Variants in CACNB4 observed in about 807,000 individuals in gnomAD.
The protein encoded by CACNB4 is voltage-dependent L-type calcium channel subunit beta-4.
Under a neutral mutation model 71.2 loss-of-function variants are expected in CACNB4, and 32 were observed. That is an observed-to-expected ratio of 0.45 (90% confidence interval 0.34 to 0.60). CACNB4 has a LOEUF of 0.60. Among genes scored for constraint, CACNB4 ranks in the 20% least tolerant of loss-of-function variants. CACNB4 has a pLI of 0.01. For missense variants in CACNB4, 464 were observed against 647.9 expected, an observed-to-expected ratio of 0.72 and a Z score of 3.08; for synonymous variants, 231 against 236.9, an observed-to-expected ratio of 0.97 and a Z score of 0.23.
chr2:151,933,554 G>A (rs1043037041), intron 2 of CACNB4, among the ~76,000 whole-genome samples: 3 of 152,002 alleles, frequency 2.0e-5, no homozygotes, highest in African/African-American at 4.8e-5. Flanking sequence ...ATGCATTCAA[G>A]ATCACACAAC....
At chr2:152,040,743 CTAAT>C (rs1214261223) in intron 2 of CACNB4, among the ~76,000 whole-genome samples, 2 of 152,070 alleles carry the variant, frequency 1.3e-5, no homozygotes, top group African/African-American at 4.8e-5. Context: ...TTCCAGCCAG[CTAAT>C]TAAATTTAAA....
intron 2 of CACNB4, among the ~76,000 whole-genome samples, chr2:151,901,844 T>G (rs1271429393): frequency 6.6e-6 from 1 of 152,228 alleles, no homozygotes; most frequent in Non-Finnish European, 1.5e-5. Context: ...TCCAGAGAAC[T>G]TGGTTTTACT....
chr2:151,950,257 AG>A (rs1004735794), intron 2 of CACNB4, among the ~76,000 whole-genome samples: 33 of 152,214 alleles, frequency 2.2e-4, no homozygotes, highest in Admixed American at 2.0e-3. Context: ...TTCTCAATAA[AG>A]GCATCCTAAT....
intron 2 of CACNB4, among the ~76,000 whole-genome samples, chr2:151,943,250 TAGAA>T (rs2099864718): frequency 6.6e-6 from 1 of 152,116 alleles, no homozygotes; most frequent in Non-Finnish European, 1.5e-5. Context: ...TTATGGAAAA[TAGAA>T]AGAACCTACG....
chr2:152,055,750 A>C (rs1484582798), intron 2 of CACNB4, among the ~76,000 whole-genome samples: 1 of 152,238 alleles, frequency 6.6e-6, no homozygotes, highest in Non-Finnish European at 1.5e-5. Flanking sequence ...GAAGATAATT[A>C]AGAAGCTATT....
chr2:151,881,877 A>AACT (rs1454290163), intron 3 of CACNB4, among the ~76,000 whole-genome samples: 1 of 134,530 alleles, frequency 7.4e-6, no homozygotes, highest in Non-Finnish European at 1.6e-5. Flanking sequence ...TTCTCCTCCC[A>AACT]TCTTTTTTTT....
At chr2:152,032,264 G>A (rs971048829) in intron 2 of CACNB4, among the ~76,000 whole-genome samples, 7 of 152,164 alleles carry the variant, frequency 4.6e-5, no homozygotes, top group Non-Finnish European at 8.8e-5. Flanking sequence ...AAATTGGCCT[G>A]AGAAGGGAAG....
At chr2:152,033,167 C>A (rs958356040) in intron 2 of CACNB4, among the ~76,000 whole-genome samples, 1 of 152,040 alleles carries the variant, frequency 6.6e-6, no homozygotes, top group South Asian at 2.1e-4. Flanking sequence ...AAGACCCAGG[C>A]GGCTGGTTAA....
upstream of CACNB4, chr2:152,099,068 C>T: frequency 8.1e-7 from 1 of 1,229,848 alleles, no homozygotes; most frequent in Non-Finnish European, 1.1e-6. Context: ...GGCTGGCCCC[C>T]GAGGCTGGGC....
rs184329804 is a variant in CACNB4 at position 151,958,533 on chromosome 2, C to T, written c.148-75163G>A. 8.5e-5 allele frequency among the ~76,000 whole-genome samples: 13 copies of T among 152,310 alleles called. No individual in the cohort carries two copies. In the East Asian group the frequency reaches 2.5e-3, roughly 29 times the overall value. The stretch of plus-strand genomic sequence containing the variant: ...AGAAGAAATGGCCTAGTTTTCCAAT[C>T]TCAGTGGCATCACTGTCCAACCGGT... On this transcript the variant is annotated intron_variant, in intron 2 of 13. Coordinates refer to ENST00000539935, the MANE Select transcript of CACNB4 (RefSeq NM_000726.5).
At chr2:151,849,209 C>T (rs1378643621) in intron 12 of CACNB4, among the ~76,000 whole-genome samples, 1 of 152,138 alleles carries the variant, frequency 6.6e-6, no homozygotes. Context: ...CTTGACATTC[C>T]CTCATGGAGA....
intron 2 of CACNB4, among the ~76,000 whole-genome samples, chr2:151,931,745 T>C (rs1385359532): frequency 6.6e-6 from 1 of 152,216 alleles, no homozygotes; most frequent in Non-Finnish European, 1.5e-5. Flanking sequence ...AAAAATAATA[T>C]TGTTCAAGTT....
intron 2 of CACNB4, among the ~76,000 whole-genome samples, chr2:152,053,577 G>A (rs1685562382): frequency 6.8e-6 from 1 of 147,240 alleles, no homozygotes; most frequent in Non-Finnish European, 1.5e-5. Flanking sequence ...AGGCTAGAGT[G>A]CAGTGGTGTG....
At chr2:152,015,410 C>T (rs1254938858) in intron 2 of CACNB4, among the ~76,000 whole-genome samples, 1 of 152,164 alleles carries the variant, frequency 6.6e-6, no homozygotes, top group African/African-American at 2.4e-5. Flanking sequence ...GGATTACAGG[C>T]GTGAGCCACC....
At chr2:151,888,747 A>AT (rs1201625804) in intron 2 of CACNB4, among the ~76,000 whole-genome samples, 7 of 152,076 alleles carry the variant, frequency 4.6e-5, no homozygotes, top group Non-Finnish European at 1.0e-4. Context: ...AGAACTGCTT[A>AT]TTTTTCTGGG....
intron 2 of CACNB4, among the ~76,000 whole-genome samples, chr2:152,051,757 T>G (rs1579204124): frequency 6.6e-6 from 1 of 152,208 alleles, no homozygotes; most frequent in Non-Finnish European, 1.5e-5. Context: ...TAATTTGTCA[T>G]GGCAGCCACA....
chr2:151,908,097 T>C (rs1292860465), intron 2 of CACNB4, among the ~76,000 whole-genome samples: 1 of 152,188 alleles, frequency 6.6e-6, no homozygotes, highest in East Asian at 1.9e-4. Context: ...TAAGAGTCTC[T>C]GCTGCTGTCA....
intron 2 of CACNB4, among the ~76,000 whole-genome samples, chr2:151,958,886 G>A (rs532086674): frequency 2.0e-5 from 3 of 152,258 alleles, no homozygotes; most frequent in East Asian, 1.9e-4. Context: ...TATGTTCTGC[G>A]AAACATCAAT....
chr2:151,980,830 A>G (rs1301640508), intron 2 of CACNB4, among the ~76,000 whole-genome samples: 1 of 152,222 alleles, frequency 6.6e-6, no homozygotes, highest in Non-Finnish European at 1.5e-5. Flanking sequence ...GGTGTGACAT[A>G]GAGTTGTTTT....
Sources: allele counts gnomAD v4.1 joint callset (sites outside exome capture counted in the v4.1 genomes callset), GRCh38; gene constraint gnomAD v4.1.1; transcripts MANE v1.5; gene names NCBI Gene and HGNC (gene_info 2026-07-23, HGNC 2026-07-21).